RGS6: variants seen among roughly 807,000 people sequenced by gnomAD.
RGS6 encodes the protein regulator of G protein signaling 6, also known as regulator of G-protein signaling 6.
A neutral mutation model predicts 78.5 loss-of-function variants in RGS6; 30 were observed. That is an observed-to-expected ratio of 0.38 (90% CI 0.29 to 0.52). RGS6 has a LOEUF of 0.52. Among genes scored for constraint, RGS6 ranks in the 20% least tolerant of loss-of-function variants. RGS6 has a pLI of 0.85. For missense variants in RGS6, 495 were observed against 609.7 expected (o/e 0.81, Z 1.98); for synonymous variants, 206 against 206.0 (o/e 1.00, Z 0.00).
At chr14:72,216,862 A>G (rs1204642591) in intron 2 of RGS6, among the ~76,000 whole-genome samples, 7 of 152,178 alleles carry the variant, frequency 4.6e-5, no homozygotes, top group African/African-American at 1.7e-4. Flanking sequence ...GTTCTCTCTG[A>G]TAATTACATA....
intron 2 of RGS6, among the ~76,000 whole-genome samples, chr14:72,211,778 G>A (rs2044233509): frequency 6.6e-6 from 1 of 152,042 alleles, no homozygotes. Flanking sequence ...CAGCCCAGAG[G>A]AAAAAAGAAG....
At chr14:72,284,995 A>G (rs2062257994) in intron 2 of RGS6, among the ~76,000 whole-genome samples, 1 of 152,058 alleles carries the variant, frequency 6.6e-6, no homozygotes, top group South Asian at 2.1e-4. Context: ...ATTTTGGCCA[A>G]TTTCTCCCAT....
intron 2 of RGS6, among the ~76,000 whole-genome samples, chr14:72,244,631 C>T (rs369767594): frequency 2.6e-5 from 4 of 152,248 alleles, no homozygotes; most frequent in Non-Finnish European, 5.9e-5. Flanking sequence ...GAAAAAAGAA[C>T]GAGACCTATT....
intron 1 of RGS6, among the ~76,000 whole-genome samples, chr14:71,943,233 T>C (rs1283098398): frequency 1.3e-5 from 2 of 152,170 alleles, no homozygotes; most frequent in Admixed American, 1.3e-4. Context: ...ATCCTGTTAA[T>C]TGTGTTTCTG....
In RGS6 at chr14:72,051,401, T is replaced by G. The variant is rs182459130; in HGVS notation, c.84+86526T>G. 7.9e-5 allele frequency among the ~76,000 whole-genome samples: 12 copies of G among 152,214 alleles called. No homozygotes were observed. The East Asian group carries it at 2.3e-3, about 29-fold the overall frequency. On this transcript the variant is annotated intron_variant, in intron 2 of 17. Transcript: ENST00000553525. ...AAGAATTTATACAGCCATGGTTCTT[T>G]ACGTATGGAAAATTAGCGCCGAAAT...
intron 2 of RGS6, among the ~76,000 whole-genome samples, chr14:72,073,215 G>A (rs540929542): frequency 2.8e-4 from 42 of 152,242 alleles, no homozygotes; most frequent in African/African-American, 9.4e-4. Context: ...GATTAAAGGG[G>A]TACAGTAAGT....
At chr14:72,246,958 G>C (rs2054376302) in intron 2 of RGS6, among the ~76,000 whole-genome samples, 1 of 151,840 alleles carries the variant, frequency 6.6e-6, no homozygotes, top group African/African-American at 2.4e-5. Flanking sequence ...AGAGGAGGAG[G>C]GTCTTAAATG....
intron 3 of RGS6, among the ~76,000 whole-genome samples, chr14:72,446,029 C>T (rs1041823124): frequency 1.3e-5 from 2 of 152,134 alleles, no homozygotes; most frequent in Non-Finnish European, 2.9e-5. Flanking sequence ...GAGGCCAAGG[C>T]AGGAGGATCA....
chr14:72,397,772 T>C (rs1452251390), intron 3 of RGS6, among the ~76,000 whole-genome samples: 1 of 152,252 alleles, frequency 6.6e-6, no homozygotes, highest in African/African-American at 2.4e-5. Flanking sequence ...CGTTGTTGAA[T>C]TTTGTCAAAG....
intron 2 of RGS6, among the ~76,000 whole-genome samples, chr14:72,086,614 G>A (rs570958124): frequency 1.3e-5 from 2 of 152,312 alleles, no homozygotes; most frequent in South Asian, 2.1e-4. Context: ...TTTGAGCCAT[G>A]TTTTTGATGG....
intron 1 of RGS6, among the ~76,000 whole-genome samples, chr14:71,956,329 T>TAG (rs2092781917): frequency 2.1e-4 from 18 of 84,718 alleles, no homozygotes; most frequent in African/African-American, 9.2e-4. Context: ...ACAGAACTAA[T>TAG]AGTGTGTGTG....
At position 71,945,195 on chromosome 14, in the gene RGS6, G is replaced by T. The variant is rs145986773; in HGVS notation, c.-21+12254G>T. On this transcript the variant is annotated intron_variant, in intron 1 of 17. Coordinates refer to ENST00000553525, the MANE Select transcript of RGS6 (RefSeq NM_001204424.2). ...CTGCCCCTTCTCATTGCTCTTCATT[G>T]TCTTACTTGCCCTATTTTTGATCAC... 1.7e-4 allele frequency among the ~76,000 whole-genome samples: 26 copies of T among 152,248 alleles called. 1 individual carries two copies. In the East Asian group the frequency reaches 4.6e-3, roughly 27 times the overall value.
chr14:72,058,468 ATTC>A (rs976061686), intron 2 of RGS6, among the ~76,000 whole-genome samples: 1 of 151,338 alleles, frequency 6.6e-6, no homozygotes, highest in African/African-American at 2.4e-5. Context: ...TAATTAATTT[ATTC>A]TTTATAACAG....
At chr14:72,075,551 A>G (rs977379739) in intron 2 of RGS6, among the ~76,000 whole-genome samples, 2 of 152,198 alleles carry the variant, frequency 1.3e-5, no homozygotes, top group African/African-American at 2.4e-5. Context: ...TTATAAATAT[A>G]TGACATGTTC....
intron 13 of RGS6, among the ~76,000 whole-genome samples, chr14:72,509,367 GAAAA>G (rs574286198): frequency 1.8e-5 from 2 of 113,464 alleles, no homozygotes; most frequent in African/African-American, 3.1e-5. Context: ...TCCATCTCAA[GAAAA>G]AAAAAAAAAA....
chr14:72,131,414 C>T (rs907908214), intron 2 of RGS6, among the ~76,000 whole-genome samples: 2 of 152,156 alleles, frequency 1.3e-5, no homozygotes, highest in Non-Finnish European at 2.9e-5. Context: ...TTGCAATGCT[C>T]CCTTATCTGG....
chr14:72,002,179 G>T (rs1291683198), intron 2 of RGS6, among the ~76,000 whole-genome samples: 4 of 152,070 alleles, frequency 2.6e-5, no homozygotes, highest in East Asian at 3.9e-4. Flanking sequence ...GTGAGCCACT[G>T]TGCCCAGCAT....
At chr14:72,504,614 A>G (rs559055265) in intron 13 of RGS6, among the ~76,000 whole-genome samples, 3 of 152,186 alleles carry the variant, frequency 2.0e-5, no homozygotes, top group African/African-American at 7.2e-5. Context: ...ATTATCTAGG[A>G]AGATTGAGGC....
At chr14:72,477,102 A>T (rs1168359883) in intron 11 of RGS6, 2 of 426,340 alleles carry the variant, frequency 4.7e-6, no homozygotes, top group African/African-American at 4.1e-5. Flanking sequence ...TAACTGCTGT[A>T]ATGGGGTTTC....
Sources: gnomAD v4.1 joint callset for allele counts (sites outside exome capture counted in the v4.1 genomes callset) on GRCh38, gnomAD v4.1.1 for gene constraint, MANE v1.5 for transcripts, NCBI Gene and HGNC (gene_info 2026-07-23, HGNC 2026-07-21) for gene names.